The following FUT8 variants were observed in gnomAD, a reference collection of about 807,000 sequenced individuals.
The protein encoded by FUT8 is alpha-(1,6)-fucosyltransferase.
In FUT8, 29 loss-of-function variants were observed where a neutral mutation model predicts 71.3. That is an observed-to-expected ratio of 0.41 (90% CI 0.30 to 0.55). The LOEUF is 0.55. FUT8 is among the 20% of genes least tolerant of loss of function. The pLI, the probability that FUT8 is intolerant of heterozygous loss-of-function variation, is 0.34. For missense variants in FUT8, 544 were observed against 702.1 expected (o/e 0.77, Z 2.55); for synonymous variants, 254 against 239.3 (o/e 1.06, Z -0.57).
At chr14:65,661,004 C>T (rs1891932126) in intron 6 of FUT8, among the ~76,000 whole-genome samples, 2 of 152,260 alleles carry the variant, frequency 1.3e-5, no homozygotes, top group Admixed American at 6.5e-5. Flanking sequence ...CAAATAAAAA[C>T]TGTTTAGTCT....
chr14:65,463,328 G>A (rs968471414), intron 2 of FUT8, among the ~76,000 whole-genome samples: 1 of 152,004 alleles, frequency 6.6e-6, no homozygotes, highest in Non-Finnish European at 1.5e-5. Context: ...GTGCACTGGC[G>A]CAGTCACGGC....
chr14:65,506,327 G>A (rs2066733157), intron 2 of FUT8, among the ~76,000 whole-genome samples: 1 of 152,180 alleles, frequency 6.6e-6, no homozygotes, highest in Non-Finnish European at 1.5e-5. Context: ...CAATTTAGCT[G>A]TATTTCTTGC....
At chr14:65,501,908 TTTTC>T (rs1347500694) in intron 2 of FUT8, among the ~76,000 whole-genome samples, 9 of 151,434 alleles carry the variant, frequency 5.9e-5, no homozygotes, top group Non-Finnish European at 1.3e-4. Flanking sequence ...TTGTCTTTTC[TTTTC>T]TTTCTTTTTT....
chr14:65,446,579 A>T (rs1436802944), intron 1 of FUT8, among the ~76,000 whole-genome samples: 1 of 152,118 alleles, frequency 6.6e-6, no homozygotes, highest in East Asian at 1.9e-4. Context: ...AGTATAATTC[A>T]CAAGGAAAGC....
upstream of FUT8, chr14:65,411,922 G>C: frequency 2.4e-6 from 1 of 411,886 alleles, no homozygotes; most frequent in Non-Finnish European, 4.8e-6. Flanking sequence ...TGGCGGTCTG[G>C]GCTGCTCTGG....
intron 2 of FUT8, among the ~76,000 whole-genome samples, chr14:65,547,665 G>A (rs1024007122): frequency 2.6e-5 from 4 of 151,596 alleles, no homozygotes; most frequent in Non-Finnish European, 5.9e-5. Flanking sequence ...CTGGCAACAA[G>A]TTCTTTCCAT....
chr14:65,721,625 C>T (rs1415393925), intron 7 of FUT8, 150 bp from the exon 8 acceptor site: 8 of 800,634 alleles, frequency 1.0e-5, no homozygotes, highest in African/African-American at 1.7e-5. Context: ...TCTGGTATTT[C>T]GAGCAAGTTA....
the FUT8 span, among the ~76,000 whole-genome samples, chr14:65,366,924 G>A: frequency 1.3e-5 from 2 of 152,324 alleles, no homozygotes; most frequent in African/African-American, 2.4e-5. Context: ...GAAGAGACAT[G>A]TGCCAGAGAC....
intron 1 of FUT8, among the ~76,000 whole-genome samples, chr14:65,446,444 TTAGA>T (rs1338212264): frequency 1.3e-5 from 2 of 152,254 alleles, no homozygotes; most frequent in Non-Finnish European, 2.9e-5. Flanking sequence ...TACTCACTAC[TTAGA>T]TGGATTAATT....
chr14:65,648,874 A>C (rs1458898498), intron 6 of FUT8, among the ~76,000 whole-genome samples: 1 of 152,208 alleles, frequency 6.6e-6, no homozygotes, highest in Admixed American at 6.5e-5. Flanking sequence ...ATGCTATCAC[A>C]AGAGGGTCTA....
the FUT8 span, among the ~76,000 whole-genome samples, chr14:65,387,627 C>T: frequency 6.6e-6 from 1 of 152,326 alleles, no homozygotes; most frequent in South Asian, 2.1e-4. Flanking sequence ...GAATTCTCAA[C>T]TTCATCTGTT....
intron 7 of FUT8, among the ~76,000 whole-genome samples, chr14:65,684,919 A>T (rs1436291524): frequency 6.6e-6 from 1 of 152,176 alleles, no homozygotes; most frequent in Non-Finnish European, 1.5e-5. Context: ...GGACTAATAC[A>T]TGCATTTTGG....
the FUT8 span, among the ~76,000 whole-genome samples, chr14:65,380,664 G>T: frequency 6.6e-6 from 1 of 152,260 alleles, no homozygotes; most frequent in Admixed American, 6.5e-5. Context: ...CATCCCTCTG[G>T]GGTCCTCCAA....
In FUT8 at chr14:65,690,193, T is replaced by C. The variant is rs139683013; in HGVS notation, c.835+20713T>C. Among the ~76,000 whole-genome samples the C allele has an allele frequency of 2.6e-5, 4 of 152,328 alleles. No individual in the cohort carries two copies. The East Asian group carries it at 7.7e-4, about 29-fold the overall frequency. ...CATTTTCAGAGATCAGTTGACCATC[T>C]CTATGTGGGTCTTTTTCTGGGATCT... On this transcript the variant is annotated intron_variant, in intron 7 of 10. Transcript: ENST00000673929.
chr14:65,634,002 G>A lies in FUT8; in HGVS notation c.597+4396G>A, dbSNP rs543351817. ...CGGGAGGTGAGGGGCGCCTCTGCCC[G>A]GCCACCGCTACTGGGAAGTGAGGAG... On this transcript the variant is annotated intron_variant, in intron 6 of 10. Coordinates refer to ENST00000673929, the MANE Select transcript of FUT8 (RefSeq NM_001371533.1). Among the ~76,000 whole-genome samples, 10 of 151,304 alleles carry A rather than the reference G, an allele frequency of 6.6e-5. No individual in the cohort carries two copies. The East Asian group carries it at 1.8e-3, about 27-fold the overall frequency.
At chr14:65,435,771 G>A (rs985561958) in intron 1 of FUT8, among the ~76,000 whole-genome samples, 3 of 150,176 alleles carry the variant, frequency 2.0e-5, no homozygotes, top group Admixed American at 1.3e-4. Flanking sequence ...CTAGCACTTG[G>A]TAGTATCTGT....
At chr14:65,498,016 G>A (rs2066587139) in intron 2 of FUT8, among the ~76,000 whole-genome samples, 1 of 152,056 alleles carries the variant, frequency 6.6e-6, no homozygotes, top group African/African-American at 2.4e-5. Flanking sequence ...AATTTTCAGG[G>A]AGTTTTGGTC....
intron 7 of FUT8, among the ~76,000 whole-genome samples, chr14:65,679,453 A>G (rs551085589): frequency 2.2e-4 from 33 of 152,298 alleles, no homozygotes; most frequent in Admixed American, 1.2e-3. Flanking sequence ...CAGAGGGAAG[A>G]TTAATATTTT....
chr14:65,587,215 A>G (rs1231959490), intron 3 of FUT8, among the ~76,000 whole-genome samples: 1 of 151,918 alleles, frequency 6.6e-6, no homozygotes, highest in African/African-American at 2.4e-5. Flanking sequence ...AAAAAAACTA[A>G]TTTTTACAAA....
Sources: gnomAD v4.1 joint callset for allele counts (sites outside exome capture counted in the v4.1 genomes callset) on GRCh38, gnomAD v4.1.1 for gene constraint, MANE v1.5 for transcripts, NCBI Gene and HGNC (gene_info 2026-07-23, HGNC 2026-07-21) for gene names.